Variants in RBFOX1 observed in about 807,000 individuals in gnomAD.
RBFOX1 encodes RNA binding protein fox-1 homolog 1.
Under a neutral mutation model 57.7 loss-of-function variants are expected in RBFOX1, and 8 were observed. The ratio of observed to expected loss-of-function variants is 0.14; its 90% CI spans 0.08 to 0.25. RBFOX1 has a LOEUF of 0.25. RBFOX1 is among the 10% of genes least tolerant of loss of function. The probability of loss-of-function intolerance (pLI) is 1.00; values close to 1 mark genes in which losing one functional copy is unlikely to be tolerated. For missense variants in RBFOX1, 611 were observed against 548.5 expected, an observed-to-expected ratio of 1.11 and a Z score of -1.14; for synonymous variants, 326 against 222.4, an observed-to-expected ratio of 1.47 and a Z score of -4.15.
intron 4 of RBFOX1, among the ~76,000 whole-genome samples, chr16:7,465,870 A>T (rs1012163123): frequency 6.6e-6 from 1 of 152,214 alleles, no homozygotes; most frequent in African/African-American, 2.4e-5. Context: ...ATTAACTGTT[A>T]TCTGTTCATA....
At chr16:6,063,492 CACACACACACACA>C (rs2095715571) in intron 1 of RBFOX1, among the ~76,000 whole-genome samples, 3 of 109,210 alleles carry the variant, frequency 2.7e-5, no homozygotes, top group Admixed American at 2.0e-4. Context: ...CACACACACA[CACACACACACACA>C]CCCCCTTATA....
At chr16:6,599,752 T>A (rs185089490) in intron 2 of RBFOX1, among the ~76,000 whole-genome samples, 2 of 152,326 alleles carry the variant, frequency 1.3e-5, no homozygotes, top group East Asian at 3.9e-4. Flanking sequence ...AGTTAAGCCA[T>A]CTTGAGCAGG....
chr16:5,994,400 G>A (rs1421705378), intron 4 of RBFOX1, among the ~76,000 whole-genome samples: 2 of 152,178 alleles, frequency 1.3e-5, no homozygotes, highest in South Asian at 4.1e-4. Context: ...GGCCTTGGGT[G>A]ATCTCCCTGC....
At chr16:7,312,801 G>A (rs1026604811) in intron 4 of RBFOX1, among the ~76,000 whole-genome samples, 6 of 152,182 alleles carry the variant, frequency 3.9e-5, no homozygotes, top group Non-Finnish European at 8.8e-5. Flanking sequence ...ATTCTGTGAT[G>A]CCAGAGACTT....
At chr16:7,600,944 T>C (rs983289456) in intron 9 of RBFOX1, among the ~76,000 whole-genome samples, 3 of 152,220 alleles carry the variant, frequency 2.0e-5, no homozygotes, top group Non-Finnish European at 2.9e-5. Context: ...GGGATTGGAC[T>C]ATTTCTCTAT....
chr16:5,278,973 C>T lies in RBFOX1; in HGVS notation c.219+38868C>T, dbSNP rs141014969. ...GTGTCTGTTTTAATACCAATACACA[C>T]TGTTTTGGTTACTATAGCTTTGCAG... On this transcript the variant is annotated intron_variant, in intron 1 of 2. Coordinates refer to the RBFOX1 transcript ENST00000585867. Among the ~76,000 whole-genome samples, 819 of 152,276 alleles carry T rather than the reference C, an allele frequency of 5.4e-3. 4 individuals carry two copies. Among genetic ancestry groups the T allele is most frequent in the African/African-American group, 0.019 (788 of 41,556 alleles).
chr16:7,105,578 G>A (rs770831841), intron 4 of RBFOX1, among the ~76,000 whole-genome samples: 38 of 151,974 alleles, frequency 2.5e-4, no homozygotes, highest in African/African-American at 8.9e-4. Context: ...AACATACAAC[G>A]TTTGGTTTTG....
chr16:7,175,263 T>G (rs2152484609), intron 4 of RBFOX1, among the ~76,000 whole-genome samples: 1 of 152,270 alleles, frequency 6.6e-6, no homozygotes, highest in East Asian at 1.9e-4. Context: ...TGTATTTTCA[T>G]TTTTCAGCTC....
At chr16:5,741,179 T>A (rs2052757506) in intron 3 of RBFOX1, among the ~76,000 whole-genome samples, 1 of 151,456 alleles carries the variant, frequency 6.6e-6, no homozygotes, top group Non-Finnish European at 1.5e-5. Flanking sequence ...ACGAGCAGAG[T>A]CTCATCTCAT....
chr16:6,811,779 C>T (rs1170488927), intron 3 of RBFOX1, among the ~76,000 whole-genome samples: 2 of 152,152 alleles, frequency 1.3e-5, no homozygotes, highest in African/African-American at 4.8e-5. Context: ...ATCCCAACTA[C>T]TGGGGAGGCT....
At chr16:5,423,069 G>A (rs1348237937) in intron 1 of RBFOX1, among the ~76,000 whole-genome samples, 6 of 131,096 alleles carry the variant, frequency 4.6e-5, no homozygotes, top group Admixed American at 4.4e-4. Flanking sequence ...GAGGAAAGAG[G>A]AGGAGGAAGG....
intron 2 of RBFOX1, among the ~76,000 whole-genome samples, chr16:6,454,262 A>T (rs1487889316): frequency 6.6e-6 from 1 of 152,208 alleles, no homozygotes; most frequent in Non-Finnish European, 1.5e-5. Flanking sequence ...ACAACAGGAT[A>T]GAAAATTTTT....
At chr16:5,951,985 A>G (rs1459488113) in intron 4 of RBFOX1, among the ~76,000 whole-genome samples, 2 of 150,386 alleles carry the variant, frequency 1.3e-5, no homozygotes, top group African/African-American at 4.9e-5. Context: ...GGGGCCTCGC[A>G]TATATATATA....
At chr16:5,719,077 A>T (rs561769694) in intron 3 of RBFOX1, among the ~76,000 whole-genome samples, 29 of 152,320 alleles carry the variant, frequency 1.9e-4, no homozygotes, top group Admixed American at 1.8e-3. Context: ...GTAAAAGTTA[A>T]CTGTTATGAA....
At chr16:6,963,992 C>A (rs985093070) in intron 3 of RBFOX1, among the ~76,000 whole-genome samples, 2 of 151,372 alleles carry the variant, frequency 1.3e-5, no homozygotes, top group East Asian at 3.9e-4. Context: ...GCCACTGCGC[C>A]CAGCCCCGGA....
At chr16:6,409,645 C>T (rs1202576467) in intron 2 of RBFOX1, among the ~76,000 whole-genome samples, 1 of 151,946 alleles carries the variant, frequency 6.6e-6, no homozygotes, top group Admixed American at 6.6e-5. Context: ...CCTGAATGAA[C>T]AAAATAATAT....
In RBFOX1 at chr16:7,710,853, A is replaced by AG; in HGVS notation, c.*108_*109insG. On this transcript the variant is annotated 3_prime_UTR_variant, in exon 16 of 16. Coordinates refer to ENST00000550418, the MANE Select transcript of RBFOX1 (RefSeq NM_018723.4). ...ATCATTTTAGCAACTCTAAAAAAAA[A>AG]AAAAATACAAATAAAAAGGAAAAAA... The AG allele has an allele frequency of 9.2e-7, 1 of 1,084,894 alleles. No individual in the cohort carries two copies. The allele number at this position is 1,084,894 out of a possible 1,614,324, so 67.2% of individuals were successfully genotyped here. A position where few individuals can be genotyped will look rare whatever the true frequency, so the allele number is the denominator to read the frequency against.
At chr16:5,866,320 T>A (rs376577050) in intron 3 of RBFOX1, among the ~76,000 whole-genome samples, 1 of 152,214 alleles carries the variant, frequency 6.6e-6, no homozygotes, top group African/African-American at 2.4e-5. Flanking sequence ...CCTACCTTCA[T>A]GACATCATCT....
intron 4 of RBFOX1, among the ~76,000 whole-genome samples, chr16:7,329,756 G>T (rs1177630123): frequency 1.3e-5 from 2 of 152,200 alleles, no homozygotes; most frequent in Non-Finnish European, 2.9e-5. Context: ...AGATAAGGAA[G>T]ATATTTGTAA....
Sources: allele counts gnomAD v4.1 joint callset (sites outside exome capture counted in the v4.1 genomes callset), GRCh38; gene constraint gnomAD v4.1.1; transcripts MANE v1.5; gene names NCBI Gene and HGNC (gene_info 2026-07-23, HGNC 2026-07-21).